Variants in HMCES observed in about 807,000 individuals in gnomAD.
HMCES encodes abasic site processing protein HMCES.
A neutral mutation model predicts 35.1 loss-of-function variants in HMCES; 27 were observed. The observed-to-expected ratio is 0.77, with a 90% confidence interval of 0.57 to 1.06. The LOEUF is 1.06. Ranked by LOEUF, HMCES falls within the 50% of genes least tolerant of loss-of-function variation. The pLI is 0.00. For synonymous variants in HMCES, 130 were observed against 154.7 expected, an observed-to-expected ratio of 0.84 and a Z score of 1.18; for missense variants, 391 against 430.4, an observed-to-expected ratio of 0.91 and a Z score of 0.81.
At chr3:129,297,727 A>G (rs764427066) in intron 4 of HMCES, among the ~76,000 whole-genome samples, 1 of 152,174 alleles carries the variant, frequency 6.6e-6, no homozygotes, top group Non-Finnish European at 1.5e-5. Flanking sequence ...GATGCTGCCA[A>G]TAAGCCAGTA....
At chr3:129,304,088 T>C (rs1054785608) in intron 6 of HMCES, among the ~76,000 whole-genome samples, 39 of 152,210 alleles carry the variant, frequency 2.6e-4, no homozygotes, top group Admixed American at 1.6e-3. Context: ...TCTGGAGAGG[T>C]GGCATTGTGC....
chr3:129,291,810 G>T (rs1232562084), intron 4 of HMCES, among the ~76,000 whole-genome samples: 1 of 152,160 alleles, frequency 6.6e-6, no homozygotes, highest in Non-Finnish European at 1.5e-5. Context: ...AGTGGTTCAG[G>T]CCAGGCACGG....
At chr3:129,283,926 G>C (rs1940564978) in intron 2 of HMCES, among the ~76,000 whole-genome samples, 1 of 152,228 alleles carries the variant, frequency 6.6e-6, no homozygotes, top group Non-Finnish European at 1.5e-5. Flanking sequence ...AGGCAAATTT[G>C]ATTCTGGAAG....
At chr3:129,290,640 G>T (rs754746517) in intron 3 of HMCES, 39 bp from the exon 4 acceptor site, 8 of 1,582,730 alleles carry the variant, frequency 5.1e-6, no homozygotes, top group Non-Finnish European at 6.9e-6. Context: ...AAACATGATT[G>T]TATCACTAAG....
At chr3:129,281,462 G>A (rs1482269735) in intron 2 of HMCES, among the ~76,000 whole-genome samples, 1 of 151,896 alleles carries the variant, frequency 6.6e-6, no homozygotes, top group East Asian at 1.9e-4. Context: ...AGGCCAAGAC[G>A]GCTGGACCAC....
chr3:129,297,899 C>T (rs2071113180), intron 4 of HMCES, among the ~76,000 whole-genome samples: 2 of 152,150 alleles, frequency 1.3e-5, no homozygotes, highest in Admixed American at 6.6e-5. Flanking sequence ...CAGCTTTCTA[C>T]ATTTTAGTCC....
At chr3:129,281,995 A>AT (rs1940506300) in intron 2 of HMCES, among the ~76,000 whole-genome samples, 1 of 151,710 alleles carries the variant, frequency 6.6e-6, no homozygotes, top group South Asian at 2.1e-4. Context: ...TGACATAGTT[A>AT]TTTTTGTGTC....
At chr3:129,293,626 A>G (rs1440395139) in intron 4 of HMCES, among the ~76,000 whole-genome samples, 1 of 133,910 alleles carries the variant, frequency 7.5e-6, no homozygotes, top group Non-Finnish European at 1.5e-5. Flanking sequence ...GATGGAGTGC[A>G]ATGGTGTGGT....
chr3:129,296,716 G>C (rs1447140207), intron 4 of HMCES, among the ~76,000 whole-genome samples: 1 of 152,036 alleles, frequency 6.6e-6, no homozygotes, highest in Non-Finnish European at 1.5e-5. Context: ...AGTCTTGTCA[G>C]GAATTGAACT....
rs139618206 is a variant in HMCES at position 129,305,795 on chromosome 3, T to C, written c.*970T>C. On this transcript the variant is annotated 3_prime_UTR_variant, in exon 7 of 7. Transcript: ENST00000383463. ...CCCCAGTCTCTATGCAAATCAGGGA[T>C]CAGAAGATCGGAATTTCCACCAATC... is the stretch of plus-strand genomic sequence containing the variant. The C allele has an allele frequency of 9.1e-3, 1,390 of 152,262 alleles. 23 individuals carry two copies. The highest frequency in any genetic ancestry group is 0.032 in the African/African-American group (1,316 of 41,506). The allele number at this position is 152,262 out of a possible 1,614,324, so 9.4% of individuals were successfully genotyped here. A position where few individuals can be genotyped will look rare whatever the true frequency, so the allele number is the denominator to read the frequency against.
intron 2 of HMCES, among the ~76,000 whole-genome samples, chr3:129,281,442 G>T (rs1940479127): frequency 6.6e-6 from 1 of 152,038 alleles, no homozygotes; most frequent in African/African-American, 2.4e-5. Flanking sequence ...TGTAATCCTA[G>T]CACTTTGGGA....
chr3:129,279,669 T>G lies in HMCES; in HGVS notation c.-23-41T>G. The G allele has an allele frequency of 1.8e-4, 276 of 1,566,768 alleles. No homozygotes were observed. The highest frequency in any genetic ancestry group is 2.2e-4 in the Non-Finnish European group (251 of 1,147,142). Reference sequence around the variant, plus strand: ...GACTCAAGGAATAAGACCTAATATTTGAGATACGTAAGCCTTTTCCTTACG... The same window carrying G: ...GACTCAAGGAATAAGACCTAATATTGGAGATACGTAAGCCTTTTCCTTACG... On this transcript the variant is annotated intron_variant, in intron 1 of 6. Transcript: ENST00000383463. The surrounding 1 kb of genome is among the most constrained non-coding windows in gnomAD (Gnocchi z 4.2).
chr3:129,304,933 G>C lies in HMCES; in HGVS notation c.*108G>C, dbSNP rs2071217261. The stretch of plus-strand genomic sequence containing the variant: ...TTGCTTTGGGAGGAGGTGGCACTGT[G>C]TTAGTTGACAGTTGTGGGCTCATGT... On this transcript the variant is annotated 3_prime_UTR_variant, in exon 7 of 7. Coordinates refer to ENST00000383463, the MANE Select transcript of HMCES (RefSeq NM_020187.3). 1 of 882,972 alleles carries C rather than the reference G, an allele frequency of 1.1e-6. No individual in the cohort carries two copies. Among genetic ancestry groups the C allele is most frequent in the Non-Finnish European group, 1.8e-6 (1 of 563,816 alleles). The allele number at this position is 882,972 out of a possible 1,614,324, so 54.7% of individuals were successfully genotyped here.
chr3:129,279,673 A>C lies in HMCES; in HGVS notation c.-23-37A>C, dbSNP rs1940406001. On this transcript the variant is annotated intron_variant, in intron 1 of 6. Transcript: ENST00000383463. This position sits in a 1 kb window ranked among gnomAD's most constrained non-coding sequence, Gnocchi z 4.2. ...CAAGGAATAAGACCTAATATTTGAG[A>C]TACGTAAGCCTTTTCCTTACGTTTT... 5 of 1,586,632 alleles carry C rather than the reference A, an allele frequency of 3.2e-6. No homozygotes were observed. The Admixed American group carries it at 8.9e-5, about 28-fold the overall frequency.
At chr3:129,283,346 T>C (rs1019788733) in intron 2 of HMCES, among the ~76,000 whole-genome samples, 1 of 151,262 alleles carries the variant, frequency 6.6e-6, no homozygotes, top group Non-Finnish European at 1.5e-5. Context: ...TTTTTTTTTT[T>C]TTGGAGACAG....
chr3:129,292,544 G>A (rs1442843869), intron 4 of HMCES, among the ~76,000 whole-genome samples: 1 of 148,828 alleles, frequency 6.7e-6, no homozygotes, highest in East Asian at 2.0e-4. Flanking sequence ...CCAGGCTGGA[G>A]TGCAGTGGCG....
At chr3:129,287,202 T>C (rs2107688341) in intron 2 of HMCES, among the ~76,000 whole-genome samples, 2 of 150,274 alleles carry the variant, frequency 1.3e-5, no homozygotes, top group Non-Finnish European at 2.9e-5. Context: ...TTGTTTTTTT[T>C]TGTGGGGTTT....
intron 5 of HMCES, among the ~76,000 whole-genome samples, chr3:129,301,545 C>A (rs1232175379): frequency 6.6e-6 from 1 of 152,190 alleles, no homozygotes; most frequent in African/African-American, 2.4e-5. Flanking sequence ...TGACGCATGG[C>A]TTCCTTTTGT....
intron 6 of HMCES, among the ~76,000 whole-genome samples, chr3:129,303,115 G>C (rs925521676): frequency 5.3e-5 from 8 of 152,156 alleles, no homozygotes; most frequent in African/African-American, 1.9e-4. Context: ...CAAGGATCCA[G>C]AGGGTGTATT....
Sources: allele counts gnomAD v4.1 joint callset (sites outside exome capture counted in the v4.1 genomes callset), GRCh38; gene constraint gnomAD v4.1.1; non-coding constraint Gnocchi (gnomAD v3.1); transcripts MANE v1.5; gene names NCBI Gene and HGNC (gene_info 2026-07-23, HGNC 2026-07-21).